PTGER4: variants seen among roughly 807,000 people sequenced by gnomAD.
The protein encoded by PTGER4 is prostaglandin E receptor 4.
A neutral mutation model predicts 33.2 loss-of-function variants in PTGER4; 11 were observed. The ratio of observed to expected loss-of-function variants is 0.33; its 90% CI spans 0.21 to 0.55. The LOEUF is 0.55. Among genes scored for constraint, PTGER4 ranks in the 20% least tolerant of loss-of-function variants. The pLI, the probability that PTGER4 is intolerant of heterozygous loss-of-function variation, is 0.92. For synonymous variants in PTGER4, 275 were observed against 281.5 expected, an observed-to-expected ratio of 0.98 and a Z score of 0.23; for missense variants, 481 against 650.2, an observed-to-expected ratio of 0.74 and a Z score of 2.83.
the PTGER4 span, among the ~76,000 whole-genome samples, chr5:40,730,072 G>A: frequency 6.6e-6 from 1 of 152,258 alleles, no homozygotes; most frequent in African/African-American, 2.4e-5. Context: ...TAACTTCATT[G>A]TAAAGGCAAA....
the PTGER4 span, among the ~76,000 whole-genome samples, chr5:40,735,241 G>C: frequency 4.2e-3 from 635 of 152,312 alleles, 3 homozygotes; most frequent in African/African-American, 0.015. Flanking sequence ...ATGAATTATT[G>C]ATTTACATTT....
chr5:40,715,233 AT>A, the PTGER4 span: 12 of 152,138 alleles, frequency 7.9e-5, no homozygotes, highest in Non-Finnish European at 2.9e-5. Context: ...TAGAAAAGTA[AT>A]TCCCAGTCAT....
chr5:40,691,847 G>A lies in PTGER4; in HGVS notation c.936G>A (p.Leu312=), dbSNP rs190040616. 5.8e-4 allele frequency: 933 copies of A among 1,614,212 alleles called. 10 individuals carry two copies. Among genetic ancestry groups the A allele is most frequent in the Non-Finnish European group, 2.8e-5 (33 of 1,180,038 alleles). ...LEREVSKNPD[L]QAIRIASVNP... ...GAGAAGTCAGTAAAAATCCAGATTT[G>A]CAGGCCATCCGAATTGCTTCTGTGA... is the stretch of plus-strand genomic sequence containing the variant. Residue 312 remains leucine (L), a synonymous_variant, in exon 3 of 3, where the codon TTG becomes TTA. Transcript: ENST00000302472. The surrounding 1 kb of genome is among the most constrained non-coding windows in gnomAD (Gnocchi z 4.2).
chr5:40,731,203 A>T, the PTGER4 span, among the ~76,000 whole-genome samples: 1 of 152,226 alleles, frequency 6.6e-6, no homozygotes, highest in Non-Finnish European at 1.5e-5. Flanking sequence ...GCAAGACTTA[A>T]TAGTAGCAAA....
the PTGER4 span, among the ~76,000 whole-genome samples, chr5:40,707,431 A>G: frequency 6.6e-6 from 1 of 152,366 alleles, no homozygotes; most frequent in South Asian, 2.1e-4. Context: ...AAAGAGACAA[A>G]GAAGGCCATT....
At chr5:40,697,160 GAAAA>G (rs1741617542), downstream of PTGER4, among the ~76,000 whole-genome samples, 1 of 125,936 alleles carries the variant, frequency 7.9e-6, no homozygotes, top group South Asian at 2.5e-4. Flanking sequence ...GAGAAAGAAA[GAAAA>G]GAAAGAAAGG....
At chr5:40,705,966 C>T in the PTGER4 span, among the ~76,000 whole-genome samples, 6 of 152,148 alleles carry the variant, frequency 3.9e-5, no homozygotes, top group African/African-American at 9.7e-5. Context: ...CCAGCAATCC[C>T]TTTACTGGGT....
chr5:40,728,424 G>A, the PTGER4 span: 1 of 1,613,786 alleles, frequency 6.2e-7, no homozygotes, highest in Non-Finnish European at 8.5e-7. Flanking sequence ...TTGCTGGACG[G>A]CCATTTCTGC....
At chr5:40,716,797 A>G in the PTGER4 span, among the ~76,000 whole-genome samples, 1 of 152,248 alleles carries the variant, frequency 6.6e-6, no homozygotes, top group Non-Finnish European at 1.5e-5. Context: ...TAGACCAGTA[A>G]GTATGTACAT....
the PTGER4 span, among the ~76,000 whole-genome samples, chr5:40,700,782 C>A: frequency 6.6e-6 from 1 of 152,152 alleles, no homozygotes; most frequent in African/African-American, 2.4e-5. Context: ...GGAACCCACA[C>A]CTTCAGAGCA....
the PTGER4 span, chr5:40,715,362 A>ACCTATCTG: frequency 4.2e-3 from 634 of 152,402 alleles, 3 homozygotes; most frequent in African/African-American, 0.015. Flanking sequence ...ATTGTCATTA[A>ACCTATCTG]CCTATCTGTA....
chr5:40,693,127 A>G lies in PTGER4; in HGVS notation c.*749A>G. On this transcript the variant is annotated 3_prime_UTR_variant, in exon 3 of 3. Transcript: ENST00000302472. ...AAATACTGTTCTTTCCAGGCTATGTATAAAATACATAGTGAAAATTGTTTA... is the reference window on the plus strand; with the variant it reads ...AAATACTGTTCTTTCCAGGCTATGTGTAAAATACATAGTGAAAATTGTTTA... 1 of 952,302 alleles carries G rather than the reference A, an allele frequency of 1.1e-6. No individual in the cohort carries two copies. Among genetic ancestry groups the G allele is most frequent in the Non-Finnish European group, 1.3e-6 (1 of 799,488 alleles). 59.0% of individuals were successfully genotyped at this position (952,302 alleles called of 1,614,324 possible). A position where few individuals can be genotyped will look rare whatever the true frequency, so the allele number is the denominator to read the frequency against.
chr5:40,686,812 T>G (rs1469387458), intron 2 of PTGER4, among the ~76,000 whole-genome samples: 10 of 152,188 alleles, frequency 6.6e-5, no homozygotes, highest in Non-Finnish European at 4.4e-5. Context: ...GCTGGAGGAT[T>G]GCTTGAGCCC....
chr5:40,716,407 T>A, the PTGER4 span: 32 of 1,613,886 alleles, frequency 2.0e-5, no homozygotes, highest in Non-Finnish European at 2.5e-5. Context: ...CTTCTGCTGC[T>A]CCTGGAGCGT....
chr5:40,726,726 T>C, the PTGER4 span, among the ~76,000 whole-genome samples: 2 of 152,100 alleles, frequency 1.3e-5, no homozygotes, highest in Non-Finnish European at 2.9e-5. Context: ...ATTTTCTTTC[T>C]TTATAAAGGA....
the PTGER4 span, among the ~76,000 whole-genome samples, chr5:40,702,070 CA>C: frequency 1.3e-5 from 2 of 152,252 alleles, no homozygotes; most frequent in Non-Finnish European, 2.9e-5. Flanking sequence ...GCAGCTGGTA[CA>C]AAAACACAAA....
chr5:40,713,346 AC>A, the PTGER4 span, among the ~76,000 whole-genome samples: 1 of 152,170 alleles, frequency 6.6e-6, no homozygotes, highest in Non-Finnish European at 1.5e-5. Flanking sequence ...TAATTTTCAA[AC>A]AACTAAAAGG....
chr5:40,713,679 G>T, the PTGER4 span, among the ~76,000 whole-genome samples: 6 of 152,138 alleles, frequency 3.9e-5, no homozygotes, highest in Non-Finnish European at 8.8e-5. Flanking sequence ...ACTAATGAGT[G>T]TCTATGCCAT....
chr5:40,738,379 C>T, the PTGER4 span, among the ~76,000 whole-genome samples: 1 of 151,254 alleles, frequency 6.6e-6, no homozygotes, highest in Non-Finnish European at 1.5e-5. Context: ...CATGCCACTG[C>T]AGTCCAGCCT....
Sources: gnomAD v4.1 joint callset for allele counts (sites outside exome capture counted in the v4.1 genomes callset) on GRCh38, gnomAD v4.1.1 for gene constraint, Gnocchi (gnomAD v3.1) non-coding constraint, MANE v1.5 for transcripts, NCBI Gene and HGNC (gene_info 2026-07-23, HGNC 2026-07-21) for gene names.